TRPM3: variants seen among roughly 807,000 people sequenced by gnomAD.
The protein encoded by TRPM3 is transient receptor potential cation channel subfamily M member 3, also known as long transient receptor potential channel 3.
A neutral mutation model predicts 181.2 loss-of-function variants in TRPM3; 77 were observed. The ratio of observed to expected loss-of-function variants is 0.42; its 90% confidence interval spans 0.35 to 0.51. TRPM3 has a LOEUF of 0.51. Among genes scored for constraint, TRPM3 ranks in the 20% least tolerant of loss-of-function variants. The probability of loss-of-function intolerance (pLI) is 0.01; values close to 1 mark genes in which losing one functional copy is unlikely to be tolerated. For missense variants in TRPM3, 1,759 were observed against 2,196.7 expected, an observed-to-expected ratio of 0.80 and a Z score of 3.98; for synonymous variants, 745 against 796.4, an observed-to-expected ratio of 0.94 and a Z score of 1.09.
At position 70,744,423 on chromosome 9, in the gene TRPM3, T is replaced by C. The variant is rs564219017; in HGVS notation, c.1272+17178A>G. ...GTATAGTCTTCCCCAATCTGTTTCA[T>C]TGTTCTGATGAGCTAGCATAATTCT... is the stretch of plus-strand genomic sequence containing the variant. On this transcript the variant is annotated intron_variant, in intron 8 of 25. Transcript: ENST00000677713. 5.9e-5 allele frequency among the ~76,000 whole-genome samples: 9 copies of C among 152,308 alleles called. No individual in the cohort carries two copies. The South Asian group carries it at 1.2e-3, about 21-fold the overall frequency.
At chr9:70,753,234 T>C (rs1352363416) in intron 8 of TRPM3, among the ~76,000 whole-genome samples, 1 of 151,058 alleles carries the variant, frequency 6.6e-6, no homozygotes, top group African/African-American at 2.4e-5. Context: ...AATTTCTATT[T>C]ATCAAAGTAC....
upstream of TRPM3, among the ~76,000 whole-genome samples, chr9:71,122,398 G>A (rs747312268): frequency 6.6e-6 from 1 of 152,156 alleles, no homozygotes; most frequent in Non-Finnish European, 1.5e-5. Context: ...GAGATGAGAA[G>A]GGAGTTCCTG....
intron 1 of TRPM3, among the ~76,000 whole-genome samples, chr9:71,320,533 G>A (rs1377734232): frequency 6.6e-6 from 1 of 152,028 alleles, no homozygotes; most frequent in East Asian, 1.9e-4. Flanking sequence ...TTCTTTCATT[G>A]CTCCTGACCA....
At chr9:70,805,534 G>GAA (rs534322844) in intron 6 of TRPM3, among the ~76,000 whole-genome samples, 20 of 82,696 alleles carry the variant, frequency 2.4e-4, no homozygotes, top group East Asian at 5.7e-4. Flanking sequence ...ACTCCATCTC[G>GAA]AAAAAAAAAA....
rs539288502 is a variant in TRPM3 at position 71,049,855 on chromosome 9, G to A, written c.177+71323C>T. Among the ~76,000 whole-genome samples, 33 of 152,136 alleles carry A rather than the reference G, an allele frequency of 2.2e-4. 1 individual carries two copies. The highest frequency in any genetic ancestry group is 3.4e-3 in the Middle Eastern group (1 of 294). ...AGTTTGGGAAAGTTCCCTTACTTTC[G>A]GAGGCTCAGTTCCCTCACCTGTGAC... On this transcript the variant is annotated intron_variant, in intron 1 of 25. Transcript: ENST00000677713.
At chr9:71,015,896 AG>A (rs938250713) in intron 1 of TRPM3, among the ~76,000 whole-genome samples, 231 of 152,096 alleles carry the variant, frequency 1.5e-3, no homozygotes, top group Non-Finnish European at 1.6e-3. Flanking sequence ...AATTCACAAG[AG>A]AGGTAAAAAA....
chr9:70,850,305 G>C lies in TRPM3; in HGVS notation c.463-3714C>G, dbSNP rs143384091. On this transcript the variant is annotated intron_variant, in intron 3 of 25. Transcript: ENST00000677713. The stretch of plus-strand genomic sequence containing the variant: ...CCACACAAGGAGCATTCAGGCAGAA[G>C]AGGGGGTACTGGAGTATCAGAGGCA... Among the ~76,000 whole-genome samples, 275 of 152,282 alleles carry C rather than the reference G, an allele frequency of 1.8e-3. 3 individuals are homozygous for C. Among genetic ancestry groups the C allele is most frequent in the African/African-American group, 6.2e-3 (259 of 41,562 alleles).
At chr9:71,100,588 C>T (rs1452044091) in intron 1 of TRPM3, among the ~76,000 whole-genome samples, 1 of 152,114 alleles carries the variant, frequency 6.6e-6, no homozygotes, top group Non-Finnish European at 1.5e-5. Context: ...TACTACCTGG[C>T]ATACAGTAAT....
chr9:70,964,576 G>A (rs1481563189), intron 1 of TRPM3, among the ~76,000 whole-genome samples: 1 of 152,038 alleles, frequency 6.6e-6, no homozygotes, highest in Non-Finnish European at 1.5e-5. Flanking sequence ...TACAATCCCC[G>A]TGGTTGAGGA....
At chr9:71,284,650 T>C (rs1042384290) in intron 1 of TRPM3, among the ~76,000 whole-genome samples, 1 of 152,232 alleles carries the variant, frequency 6.6e-6, no homozygotes, top group African/African-American at 2.4e-5. Context: ...TTAGTAGAAT[T>C]GACCATGCTG....
chr9:70,871,866 C>G (rs2095795564), intron 1 of TRPM3, among the ~76,000 whole-genome samples: 1 of 151,996 alleles, frequency 6.6e-6, no homozygotes, highest in Non-Finnish European at 1.5e-5. Flanking sequence ...TTATTCTTCC[C>G]ATTCATTGTT....
intron 17 of TRPM3, among the ~76,000 whole-genome samples, chr9:70,616,557 T>TATC (rs1417958240): frequency 2.2e-5 from 3 of 134,722 alleles, no homozygotes; most frequent in Admixed American, 8.1e-5. Flanking sequence ...GATTATGTGT[T>TATC]ATCTGATTAT....
intron 1 of TRPM3, among the ~76,000 whole-genome samples, chr9:70,984,502 CAG>C (rs2134055837): frequency 6.6e-6 from 1 of 152,246 alleles, no homozygotes; most frequent in East Asian, 1.9e-4. Context: ...TCCCATAAAA[CAG>C]AATACACTGT....
At chr9:70,906,824 AC>A (rs2096472160) in intron 1 of TRPM3, among the ~76,000 whole-genome samples, 2 of 152,030 alleles carry the variant, frequency 1.3e-5, no homozygotes, top group African/African-American at 2.4e-5. Context: ...AATTGGTTGA[AC>A]CCGGGAGGCA....
intron 1 of TRPM3, among the ~76,000 whole-genome samples, chr9:71,391,817 T>C (rs1047175873): frequency 8.5e-5 from 13 of 152,120 alleles, no homozygotes; most frequent in African/African-American, 2.9e-4. Flanking sequence ...GAAATACTTC[T>C]AGTTCTTTCA....
At chr9:70,878,750 G>A (rs2095920980) in intron 1 of TRPM3, among the ~76,000 whole-genome samples, 1 of 152,000 alleles carries the variant, frequency 6.6e-6, no homozygotes, top group South Asian at 2.1e-4. Flanking sequence ...GAACCACAAG[G>A]CACTAATCAG....
intron 1 of TRPM3, among the ~76,000 whole-genome samples, chr9:71,337,104 G>C (rs2090611984): frequency 6.6e-6 from 1 of 152,082 alleles, no homozygotes; most frequent in Non-Finnish European, 1.5e-5. Flanking sequence ...TTGAAAAATG[G>C]GGTCTAATTA....
chr9:70,927,099 T>C (rs1450740701), intron 1 of TRPM3, among the ~76,000 whole-genome samples: 1 of 152,224 alleles, frequency 6.6e-6, no homozygotes, highest in Non-Finnish European at 1.5e-5. Flanking sequence ...CAAGGTTTTA[T>C]ACTATATGTC....
rs576286490 is a variant in TRPM3, at chr9:71,110,128, C to G, written c.177+11050G>C. On this transcript the variant is annotated intron_variant, in intron 1 of 25. Transcript: ENST00000677713. Reference sequence around the variant, plus strand: ...CCCCAATAAGCACGAACGATTTAGTCTCAATTTCCCTCAGACACTGAGCAG... The same window carrying G: ...CCCCAATAAGCACGAACGATTTAGTGTCAATTTCCCTCAGACACTGAGCAG... 7.9e-5 allele frequency among the ~76,000 whole-genome samples: 12 copies of G among 152,166 alleles called. No individual in the cohort carries two copies. In the South Asian group the frequency reaches 2.5e-3, roughly 32 times the overall value.
Sources: allele counts gnomAD v4.1 joint callset (sites outside exome capture counted in the v4.1 genomes callset), GRCh38; gene constraint gnomAD v4.1.1; transcripts MANE v1.5; gene names NCBI Gene and HGNC (gene_info 2026-07-23, HGNC 2026-07-21).